The following SH2B3 variants were observed in gnomAD, a reference collection of about 807,000 sequenced individuals.
SH2B3 encodes SH2B adaptor protein 3, also known as SH2B adapter protein 3.
In SH2B3, 43 loss-of-function variants were observed where a neutral mutation model predicts 51.9. The observed-to-expected ratio is 0.83, with a 90% confidence interval of 0.65 to 1.07. The LOEUF (loss-of-function observed/expected upper bound fraction) is 1.07. Among genes scored for constraint, SH2B3 ranks in the 50% least tolerant of loss-of-function variants. The pLI, the probability that SH2B3 is intolerant of heterozygous loss-of-function variation, is 0.00. For missense variants in SH2B3, 952 were observed against 834.3 expected, an observed-to-expected ratio of 1.14 and a Z score of -1.74; for synonymous variants, 396 against 376.0, an observed-to-expected ratio of 1.05 and a Z score of -0.62.
intron 2 of SH2B3, chr12:111,443,344 T>A (rs1247915331): frequency 2.0e-5 from 3 of 152,254 alleles, no homozygotes; most frequent in Non-Finnish European, 4.4e-5. Context: ...GAAGGGAGCC[T>A]GGAACTGCAT....
chr12:111,418,619 C>T lies in SH2B3; in HGVS notation c.474C>T (p.His158=). ...CGGCCGGGGAGCTGCCAGCGGCCCA[C>T]ACCGCTGCCGCCCCCGGGACCCCCG... is the stretch of plus-strand genomic sequence containing the variant. ...RRSAGELPAA[H]TAAAPGTPGE... is the part of the protein sequence containing the mutation. The change falls in exon 2 of 8, where the codon CAC becomes CAT. Residue 158 remains histidine (H), a synonymous_variant. Transcript: ENST00000341259. This position sits in a 1 kb window ranked among gnomAD's most constrained non-coding sequence, Gnocchi z 6.7. The T allele has an allele frequency of 1.4e-6, 2 of 1,480,878 alleles. No homozygotes were observed. Among genetic ancestry groups the T allele is most frequent in the Non-Finnish European group, 8.9e-7 (1 of 1,125,162 alleles). 91.7% of individuals were successfully genotyped at this position (1,480,878 alleles called of 1,614,324 possible).
chr12:111,404,981 T>C (rs995392167), upstream of SH2B3, among the ~76,000 whole-genome samples: 1 of 151,996 alleles, frequency 6.6e-6, no homozygotes, highest in African/African-American at 2.4e-5. Context: ...ACTTGTTTCC[T>C]GTTGGGGGAG....
intron 1 of SH2B3, among the ~76,000 whole-genome samples, chr12:111,413,171 C>T (rs1028175813): frequency 3.9e-5 from 6 of 152,132 alleles, no homozygotes; most frequent in African/African-American, 7.2e-5. Flanking sequence ...TGGAAGTAAT[C>T]GTTGGACCTA....
At chr12:111,427,460 C>G (rs546459162) in intron 2 of SH2B3, among the ~76,000 whole-genome samples, 1,930 of 151,262 alleles carry the variant, frequency 0.013, 20 homozygotes, top group Non-Finnish European at 0.017. Context: ...GGAGGGGGTC[C>G]CAGCCTGGCC....
chr12:111,409,776 G>A lies in SH2B3; in HGVS notation c.-28+3499G>A, dbSNP rs1010427205. On this transcript the variant is annotated intron_variant, in intron 1 of 7. Coordinates refer to ENST00000341259, the MANE Select transcript of SH2B3 (RefSeq NM_005475.3). This position sits in a 1 kb window ranked among gnomAD's most constrained non-coding sequence, Gnocchi z 4.0. ...ATCTGCTCAATGGGGCCCTGCTGCC[G>A]GGGTGACAAGCATCCCTCTACCAGG... Among the ~76,000 whole-genome samples, 1 of 152,188 alleles carries A rather than the reference G, an allele frequency of 6.6e-6. No homozygotes were observed. The highest frequency in any genetic ancestry group is 6.5e-5 in the Admixed American group (1 of 15,276).
intron 2 of SH2B3, among the ~76,000 whole-genome samples, chr12:111,420,035 G>A (rs144587034): frequency 6.6e-6 from 1 of 152,310 alleles, no homozygotes; most frequent in African/African-American, 2.4e-5. Flanking sequence ...TGGGCTGGTA[G>A]CAGGTCACTC....
In SH2B3 at chr12:111,438,281, T is replaced by C. The variant is rs1207152961; in HGVS notation, c.733-8472T>C. ...CCTGGCTCAACTTCGCTATTCCCCATGGCTGGGGCACTGTGTGATTTTGCC... is the reference window on the plus strand; with the variant it reads ...CCTGGCTCAACTTCGCTATTCCCCACGGCTGGGGCACTGTGTGATTTTGCC... On this transcript the variant is annotated intron_variant, in intron 2 of 7. Transcript: ENST00000341259. This position sits in a 1 kb window ranked among gnomAD's most constrained non-coding sequence, Gnocchi z 4.2. Among the ~76,000 whole-genome samples, 1 of 152,094 alleles carries C rather than the reference T, an allele frequency of 6.6e-6. No individual in the cohort carries two copies. Among genetic ancestry groups the C allele is most frequent in the Non-Finnish European group, 1.5e-5 (1 of 67,998 alleles).
rs560477933 is a variant in SH2B3 at position 111,435,904 on chromosome 12, G to A, written c.733-10849G>A. On this transcript the variant is annotated intron_variant, in intron 2 of 7. Transcript: ENST00000341259. The surrounding 1 kb of genome is among the most constrained non-coding windows in gnomAD (Gnocchi z 4.8). ...GGAGCAGGATGTGGTCGTGCGAGGCGTGGGCTGACGGCAGCTGGCATGCAG... is the reference window on the plus strand; with the variant it reads ...GGAGCAGGATGTGGTCGTGCGAGGCATGGGCTGACGGCAGCTGGCATGCAG... Among the ~76,000 whole-genome samples the A allele has an allele frequency of 6.6e-6, 1 of 152,326 alleles. No individual in the cohort carries two copies. The highest frequency in any genetic ancestry group is 2.1e-4 in the South Asian group (1 of 4,828).
intron 2 of SH2B3, among the ~76,000 whole-genome samples, chr12:111,436,911 C>T (rs2135584422): frequency 6.6e-6 from 1 of 152,070 alleles, no homozygotes; most frequent in Non-Finnish European, 1.5e-5. Context: ...CGCCCCCCTC[C>T]CGCCACACAC....
At chr12:111,417,029 C>T (rs1377553073) in intron 1 of SH2B3, among the ~76,000 whole-genome samples, 1 of 152,116 alleles carries the variant, frequency 6.6e-6, no homozygotes, top group Non-Finnish European at 1.5e-5. Flanking sequence ...TATGTATGTT[C>T]ATGTAAATGG....
intron 2 of SH2B3, among the ~76,000 whole-genome samples, chr12:111,431,894 A>C (rs1447661394): frequency 6.6e-6 from 1 of 152,072 alleles, no homozygotes; most frequent in Admixed American, 6.5e-5. Flanking sequence ...GGCGTGAGCC[A>C]CCACCACACC....
At chr12:111,440,291 G>A (rs775581939) in intron 2 of SH2B3, among the ~76,000 whole-genome samples, 5 of 152,232 alleles carry the variant, frequency 3.3e-5, no homozygotes, top group Non-Finnish European at 5.9e-5. Context: ...CTCCTTGCAC[G>A]GAGCTGGCCC....
chr12:111,448,545 G>A lies in SH2B3; in HGVS notation c.*243G>A, dbSNP rs1226075463. On this transcript the variant is annotated 3_prime_UTR_variant, in exon 8 of 8. Coordinates refer to ENST00000341259, the MANE Select transcript of SH2B3 (RefSeq NM_005475.3). ...GATGTAGTTCTTGTTAGAGGATGCC[G>A]CTAGCTCCTGCCCGGGGTCCCTATG... 2 of 510,496 alleles carry A rather than the reference G, an allele frequency of 3.9e-6. No individual in the cohort carries two copies. Among genetic ancestry groups the A allele is most frequent in the East Asian group, 6.7e-5 (2 of 30,044 alleles). The allele number at this position is 510,496 out of a possible 1,614,324, so 31.6% of individuals were successfully genotyped here. A position where few individuals can be genotyped will look rare whatever the true frequency, so the allele number is the denominator to read the frequency against.
In SH2B3 at chr12:111,446,922, G is replaced by T; in HGVS notation, c.835-20G>T. On this transcript the variant is annotated intron_variant, in intron 3 of 7. Transcript: ENST00000341259. ...ATACACATACAGCAGACCCAACCCT[G>T]TTCCCTTCCTCCCTGCCAGGTGAAG... 6.2e-7 allele frequency: 1 copy of T among 1,611,458 alleles called. No homozygotes were observed. The highest frequency in any genetic ancestry group is 1.1e-5 in the South Asian group (1 of 91,006).
In SH2B3 at chr12:111,409,395, A is replaced by G. The variant is rs756268237; in HGVS notation, c.-28+3118A>G. Among the ~76,000 whole-genome samples, 2 of 152,232 alleles carry G rather than the reference A, an allele frequency of 1.3e-5. No homozygotes were observed. The highest frequency in any genetic ancestry group is 2.9e-5 in the Non-Finnish European group (2 of 68,044). On this transcript the variant is annotated intron_variant, in intron 1 of 7. Coordinates refer to ENST00000341259, the MANE Select transcript of SH2B3 (RefSeq NM_005475.3). This position sits in a 1 kb window ranked among gnomAD's most constrained non-coding sequence, Gnocchi z 4.0. The stretch of plus-strand genomic sequence containing the variant: ...CAATAGGGGCTGGCACTTAATTGCC[A>G]GGTTTCCTGGGAAAACGGTCCCCAA...
chr12:111,432,818 C>T (rs986828801), intron 2 of SH2B3, among the ~76,000 whole-genome samples: 2 of 152,184 alleles, frequency 1.3e-5, no homozygotes, highest in South Asian at 2.1e-4. Flanking sequence ...CCAGGTTCAC[C>T]GAAGTTACAG....
At position 111,447,564 on chromosome 12, in the gene SH2B3, G is replaced by A. The variant is rs759627988; in HGVS notation, c.1236+20G>A. The stretch of plus-strand genomic sequence containing the variant: ...GCCAAGGTATGGGGTGGGGTGGGGT[G>A]GGGTGGGGCAGGCAGGACCGTGCCA... On this transcript the variant is annotated intron_variant, in intron 6 of 7. Transcript: ENST00000341259. 12 of 1,496,864 alleles carry A rather than the reference G, an allele frequency of 8.0e-6. No individual in the cohort carries two copies. In the African/African-American group the frequency reaches 9.5e-5, roughly 12 times the overall value. 92.7% of individuals were successfully genotyped at this position (1,496,864 alleles called of 1,614,324 possible). A position where few individuals can be genotyped will look rare whatever the true frequency, so the allele number is the denominator to read the frequency against.
chr12:111,443,897 C>T (rs989417913), intron 2 of SH2B3: 1 of 152,178 alleles, frequency 6.6e-6, no homozygotes, highest in Non-Finnish European at 1.5e-5. Flanking sequence ...AATCTTAAAA[C>T]CTAGAGGGTA....
chr12:111,434,321 G>A (rs1008428868), intron 2 of SH2B3, among the ~76,000 whole-genome samples: 2 of 152,166 alleles, frequency 1.3e-5, no homozygotes, highest in African/African-American at 4.8e-5. Context: ...CAAACTCCCT[G>A]CCTCCAGCCC....
Sources: gnomAD v4.1 joint callset for allele counts (sites outside exome capture counted in the v4.1 genomes callset) on GRCh38, gnomAD v4.1.1 for gene constraint, Gnocchi (gnomAD v3.1) non-coding constraint, MANE v1.5 for transcripts, NCBI Gene and HGNC (gene_info 2026-07-23, HGNC 2026-07-21) for gene names.